WDR45B: variants seen among roughly 807,000 people sequenced by gnomAD.
WDR45B encodes WD repeat domain phosphoinositide-interacting protein 3.
In WDR45B, 20 loss-of-function variants were observed where a neutral mutation model predicts 44.6. The ratio of observed to expected loss-of-function variants is 0.45; its 90% CI spans 0.32 to 0.65. The LOEUF (loss-of-function observed/expected upper bound fraction) is 0.65. WDR45B is among the 30% of genes least tolerant of loss of function. The pLI is 0.05. For synonymous variants in WDR45B, 169 were observed against 164.9 expected (o/e 1.02, Z -0.19); for missense variants, 323 against 430.2 (o/e 0.75, Z 2.20).
chr17:82,633,936 G>A (rs1218209146), intron 2 of WDR45B, among the ~76,000 whole-genome samples: 2 of 151,350 alleles, frequency 1.3e-5, no homozygotes, highest in Non-Finnish European at 2.9e-5. Flanking sequence ...ATCACTTGAG[G>A]TCAGGAGTTT....
At chr17:82,641,592 C>G (rs1281185251) in intron 2 of WDR45B, among the ~76,000 whole-genome samples, 1 of 152,160 alleles carries the variant, frequency 6.6e-6, no homozygotes, top group Non-Finnish European at 1.5e-5. Context: ...TACTATGAAG[C>G]TTCCTTAAAA....
At chr17:82,627,097 T>A in intron 4 of WDR45B, 107 bp downstream of exon 4, 1 of 929,302 alleles carries the variant, frequency 1.1e-6, no homozygotes, top group Non-Finnish European at 1.8e-6. Context: ...ACCAACATTT[T>A]AATACATCAT....
At chr17:82,632,651 T>G (rs1270505276) in intron 2 of WDR45B, among the ~76,000 whole-genome samples, 1 of 152,160 alleles carries the variant, frequency 6.6e-6, no homozygotes, top group African/African-American at 2.4e-5. Flanking sequence ...CTTCTGTGTC[T>G]GCAATGACCA....
intron 5 of WDR45B, among the ~76,000 whole-genome samples, chr17:82,623,702 T>TA (rs34801109): frequency 0.23 from 30,204 of 131,500 alleles, 3,546 homozygotes; most frequent in Middle Eastern, 0.32. Context: ...CATCTCATAT[T>TA]AAAAAAAAAA....
chr17:82,638,811 T>C (rs1456750728), intron 2 of WDR45B, among the ~76,000 whole-genome samples: 1 of 152,026 alleles, frequency 6.6e-6, no homozygotes, highest in Non-Finnish European at 1.5e-5. Context: ...TAGAAAACAC[T>C]GTGAAACAAC....
chr17:82,644,140 C>G (rs543791718), intron 1 of WDR45B, 117 bp from the exon 2 acceptor site: 2 of 900,948 alleles, frequency 2.2e-6, no homozygotes, highest in Non-Finnish European at 3.6e-6. Flanking sequence ...CACACAGACA[C>G]GATAGGTGCT....
At chr17:82,619,253 T>G in intron 6 of WDR45B, 125 bp from the exon 7 acceptor site, 2 of 538,834 alleles carry the variant, frequency 3.7e-6, no homozygotes, top group Non-Finnish European at 6.1e-6. Context: ...CCACATCATC[T>G]ACTACTTAAC....
intron 2 of WDR45B, among the ~76,000 whole-genome samples, chr17:82,634,645 G>A (rs1040712462): frequency 1.3e-5 from 2 of 151,994 alleles, no homozygotes; most frequent in African/African-American, 4.8e-5. Flanking sequence ...AGAAGGACCC[G>A]AGTGTCCACA....
intron 7 of WDR45B, 35 bp from the exon 8 acceptor site, chr17:82,617,432 T>C: frequency 6.2e-7 from 1 of 1,606,580 alleles, no homozygotes; most frequent in East Asian, 2.2e-5. Flanking sequence ...AGGCCTTGTG[T>C]GGATGTGGAG....
At chr17:82,616,667 G>A in intron 8 of WDR45B, 22 bp from the exon 9 acceptor site, 2 of 1,614,030 alleles carry the variant, frequency 1.2e-6, no homozygotes, top group African/African-American at 1.3e-5. Flanking sequence ...AGAAAAGAAA[G>A]GGTGGTTCAA....
At position 82,643,936 on chromosome 17, in the gene WDR45B, C is replaced by T. The variant is rs755538778; in HGVS notation, c.142+13G>A. 4 of 1,612,938 alleles carry T rather than the reference C, an allele frequency of 2.5e-6. No homozygotes were observed. Among genetic ancestry groups the T allele is most frequent in the Non-Finnish European group, 3.4e-6 (4 of 1,179,204 alleles). On this transcript the variant is annotated intron_variant, in intron 2 of 9. Coordinates refer to ENST00000392325, the MANE Select transcript of WDR45B (RefSeq NM_019613.4). ...AAAGGGGAGAAACCAGAAAATGTCC[C>T]GTTAATTCTTACCTTGTTTCTCTTT...
At chr17:82,632,996 C>T (rs2045787703) in intron 2 of WDR45B, among the ~76,000 whole-genome samples, 1 of 152,066 alleles carries the variant, frequency 6.6e-6, no homozygotes, top group Non-Finnish European at 1.5e-5. Context: ...AACTCCGTCT[C>T]TACTAAAAAT....
intron 2 of WDR45B, among the ~76,000 whole-genome samples, chr17:82,632,960 G>A (rs2045786791): frequency 6.6e-6 from 1 of 152,122 alleles, no homozygotes; most frequent in South Asian, 2.1e-4. Context: ...CTTGAGGTCA[G>A]GAGTTCGACC....
rs567517154 is a variant in WDR45B at position 82,635,184 on chromosome 17, A to T, written c.143-4162T>A. ...AATTTTTTACCATAATTTTTTTTTT[A>T]AAAAATGCTGCCACTGAAGACCTTC... On this transcript the variant is annotated intron_variant, in intron 2 of 9. Coordinates refer to ENST00000392325, the MANE Select transcript of WDR45B (RefSeq NM_019613.4). Among the ~76,000 whole-genome samples the T allele has an allele frequency of 2.5e-3, 373 of 151,762 alleles. 1 individual carries two copies. Among genetic ancestry groups the T allele is most frequent in the Middle Eastern group, 6.8e-3 (2 of 294 alleles).
intron 1 of WDR45B, among the ~76,000 whole-genome samples, chr17:82,647,918 T>C (rs2046001374): frequency 6.7e-6 from 1 of 149,872 alleles, no homozygotes; most frequent in East Asian, 2.0e-4. Context: ...GGAACCCGAG[T>C]GGGCGTGGCG....
chr17:82,622,286 T>C (rs2045629689), intron 5 of WDR45B, among the ~76,000 whole-genome samples: 1 of 152,216 alleles, frequency 6.6e-6, no homozygotes, highest in South Asian at 2.1e-4. Flanking sequence ...GAGCTGGTCT[T>C]GTGATCGTGG....
chr17:82,625,038 AT>A (rs1429445815), intron 5 of WDR45B, among the ~76,000 whole-genome samples: 2 of 152,182 alleles, frequency 1.3e-5, no homozygotes, highest in African/African-American at 4.8e-5. Flanking sequence ...GTCAAACACA[AT>A]CAATCCTCCA....
rs138230768 is a variant in WDR45B, at chr17:82,629,673, C to T, written c.244+1248G>A. 14 of 985,380 alleles carry T rather than the reference C, an allele frequency of 1.4e-5. No homozygotes were observed. In the East Asian group the frequency reaches 1.5e-3, roughly 104 times the overall value. The allele number at this position is 985,380 out of a possible 1,614,324, so 61.0% of individuals were successfully genotyped here. A position where few individuals can be genotyped will look rare whatever the true frequency, so the allele number is the denominator to read the frequency against. On this transcript the variant is annotated intron_variant, in intron 3 of 9. Coordinates refer to ENST00000392325, the MANE Select transcript of WDR45B (RefSeq NM_019613.4). Reference sequence around the variant, plus strand: ...AAATGTATCAGGCAGGGCCAGTCCTCACCCGAGTGTGGTCTCTCTTCCGCA... The same window carrying T: ...AAATGTATCAGGCAGGGCCAGTCCTTACCCGAGTGTGGTCTCTCTTCCGCA...
intron 7 of WDR45B, chr17:82,617,650 G>C (rs1215054205): frequency 1.9e-6 from 1 of 518,110 alleles, no homozygotes; most frequent in East Asian, 3.8e-5. Context: ...TGCAGCTGAT[G>C]AGCTGTGTGT....
Sources: gnomAD v4.1 joint callset for allele counts (sites outside exome capture counted in the v4.1 genomes callset) on GRCh38, gnomAD v4.1.1 for gene constraint, MANE v1.5 for transcripts, NCBI Gene and HGNC (gene_info 2026-07-23, HGNC 2026-07-21) for gene names.